DOCK3: variants seen among roughly 807,000 people sequenced by gnomAD.
DOCK3 encodes dedicator of cytokinesis 3.
A neutral mutation model predicts 265.6 loss-of-function variants in DOCK3; 60 were observed. The ratio of observed to expected loss-of-function variants is 0.23; its 90% CI spans 0.18 to 0.28. The LOEUF is 0.28. Among genes scored for constraint, DOCK3 ranks in the 10% least tolerant of loss-of-function variants. The probability of loss-of-function intolerance (pLI) is 1.00; values close to 1 mark genes in which losing one functional copy is unlikely to be tolerated. For missense variants in DOCK3, 1,981 were observed against 2,594.3 expected, an observed-to-expected ratio of 0.76 and a Z score of 5.14; for synonymous variants, 881 against 938.0, an observed-to-expected ratio of 0.94 and a Z score of 1.11.
chr3:51,266,953 T>C (rs1386364544), intron 23 of DOCK3, among the ~76,000 whole-genome samples: 1 of 151,926 alleles, frequency 6.6e-6, no homozygotes, highest in Non-Finnish European at 1.5e-5. Flanking sequence ...ATATCCAAAA[T>C]CTACAAAGAA....
At chr3:51,120,316 G>T in intron 9 of DOCK3, among the ~76,000 whole-genome samples, 1 of 152,192 alleles carries the variant, frequency 6.6e-6, no homozygotes, top group East Asian at 1.9e-4. Flanking sequence ...AGCAAAGATT[G>T]CTGTCTGTCC....
At chr3:50,966,947 T>TA (rs925101714) in intron 5 of DOCK3, among the ~76,000 whole-genome samples, 3 of 152,132 alleles carry the variant, frequency 2.0e-5, no homozygotes, top group African/African-American at 7.2e-5. Context: ...CTCTTTCCTT[T>TA]AAAAAAATCT....
chr3:51,096,448 T>C (rs1298226442), intron 9 of DOCK3, among the ~76,000 whole-genome samples: 1 of 152,186 alleles, frequency 6.6e-6, no homozygotes, highest in Non-Finnish European at 1.5e-5. Context: ...TTGATACTTG[T>C]GTATGCTTCA....
chr3:50,723,720 G>A (rs553721498), intron 1 of DOCK3, among the ~76,000 whole-genome samples: 3 of 152,226 alleles, frequency 2.0e-5, no homozygotes, highest in East Asian at 1.9e-4. Flanking sequence ...GGACTTAAAC[G>A]TAACACCTAA....
At chr3:51,309,672 G>A (rs1352270510) in intron 27 of DOCK3, among the ~76,000 whole-genome samples, 2 of 151,990 alleles carry the variant, frequency 1.3e-5, no homozygotes, top group African/African-American at 4.8e-5. Context: ...TTCTTACAGA[G>A]CGTACATGGG....
intron 2 of DOCK3, among the ~76,000 whole-genome samples, chr3:50,793,436 G>A (rs1292756715): frequency 6.8e-6 from 1 of 146,394 alleles, no homozygotes; most frequent in East Asian, 2.0e-4. Flanking sequence ...TCAGCTCACT[G>A]CAACCTCTAC....
chr3:51,308,928 C>T (rs2082879489), intron 27 of DOCK3, among the ~76,000 whole-genome samples: 1 of 151,142 alleles, frequency 6.6e-6, no homozygotes, highest in Non-Finnish European at 1.5e-5. Context: ...GGCAGAGACG[C>T]TCCTCACCTC....
At chr3:51,135,555 T>C (rs568391876) in intron 9 of DOCK3, among the ~76,000 whole-genome samples, 1 of 152,204 alleles carries the variant, frequency 6.6e-6, no homozygotes, top group Non-Finnish European at 1.5e-5. Flanking sequence ...CTAGAGATTC[T>C]GATCCAGATG....
chr3:51,078,913 T>C (rs1231809311), intron 7 of DOCK3, among the ~76,000 whole-genome samples: 1 of 152,224 alleles, frequency 6.6e-6, no homozygotes, highest in Admixed American at 6.5e-5. Flanking sequence ...CTAAATTTCC[T>C]GTCTTTTTAT....
intron 5 of DOCK3, among the ~76,000 whole-genome samples, chr3:51,049,995 A>G (rs2080932997): frequency 6.6e-6 from 1 of 152,198 alleles, no homozygotes; most frequent in Non-Finnish European, 1.5e-5. Context: ...TTAGGAGTGA[A>G]ATTAACCAAG....
intron 5 of DOCK3, among the ~76,000 whole-genome samples, chr3:51,044,632 C>T (rs553430488): frequency 2.0e-5 from 3 of 150,214 alleles, no homozygotes; most frequent in Admixed American, 6.6e-5. Flanking sequence ...AATAGAAGGC[C>T]GTTTTGTCTT....
chr3:51,286,600 G>A (rs1343820582), intron 27 of DOCK3, among the ~76,000 whole-genome samples: 1 of 152,064 alleles, frequency 6.6e-6, no homozygotes, highest in Non-Finnish European at 1.5e-5. Flanking sequence ...AAACAGCATG[G>A]TACGGATACA....
At chr3:51,305,954 C>T (rs1192953791) in intron 27 of DOCK3, among the ~76,000 whole-genome samples, 2 of 149,588 alleles carry the variant, frequency 1.3e-5, no homozygotes, top group East Asian at 2.0e-4. Flanking sequence ...ATTCTCCCAC[C>T]TCAGCCTCCC....
intron 5 of DOCK3, among the ~76,000 whole-genome samples, chr3:51,048,389 A>G (rs2080857175): frequency 6.6e-6 from 1 of 152,114 alleles, no homozygotes; most frequent in Non-Finnish European, 1.5e-5. Context: ...TAGCTGAAAT[A>G]CTTGAGACTG....
At chr3:51,082,715 G>A (rs2082285708) in intron 7 of DOCK3, among the ~76,000 whole-genome samples, 1 of 152,184 alleles carries the variant, frequency 6.6e-6, no homozygotes, top group African/African-American at 2.4e-5. Context: ...GAACTCACCT[G>A]TCACCACCAG....
intron 1 of DOCK3, among the ~76,000 whole-genome samples, chr3:50,752,845 A>G (rs922928737): frequency 6.6e-6 from 1 of 152,232 alleles, no homozygotes; most frequent in African/African-American, 2.4e-5. Flanking sequence ...ACTTCCATGT[A>G]GTGTAATGAT....
At chr3:51,127,022 G>A (rs148286083) in intron 9 of DOCK3, among the ~76,000 whole-genome samples, 6 of 152,162 alleles carry the variant, frequency 3.9e-5, no homozygotes, top group South Asian at 2.1e-4. Flanking sequence ...TAGGCCATGC[G>A]CAGGCTGAGG....
chr3:51,105,789 G>A (rs1341532578), intron 9 of DOCK3, among the ~76,000 whole-genome samples: 1 of 152,150 alleles, frequency 6.6e-6, no homozygotes, highest in Non-Finnish European at 1.5e-5. Context: ...GCAAATGGAG[G>A]GAAGACATAG....
chr3:50,933,672 G>A (rs1189641178), intron 4 of DOCK3, among the ~76,000 whole-genome samples: 1 of 151,988 alleles, frequency 6.6e-6, no homozygotes, highest in Non-Finnish European at 1.5e-5. Context: ...CAAGACTTGG[G>A]TAGTATCATG....
Sources: gnomAD v4.1 joint callset for allele counts (sites outside exome capture counted in the v4.1 genomes callset) on GRCh38, gnomAD v4.1.1 for gene constraint, MANE v1.5 for transcripts, NCBI Gene and HGNC (gene_info 2026-07-23, HGNC 2026-07-21) for gene names.